Variants in SLC35F3 observed in about 807,000 individuals in gnomAD.
SLC35F3 encodes putative thiamine transporter SLC35F3.
SLC35F3 carries 25 observed loss-of-function variants against 49.9 expected under a neutral mutation model. The ratio of observed to expected loss-of-function variants is 0.50; its 90% CI spans 0.37 to 0.70. The LOEUF is 0.70. Among genes scored for constraint, SLC35F3 ranks in the 30% least tolerant of loss-of-function variants. The probability of loss-of-function intolerance (pLI) is 0.00; values close to 1 mark genes in which losing one functional copy is unlikely to be tolerated. For synonymous variants in SLC35F3, 275 were observed against 265.4 expected (o/e 1.04, Z -0.35); for missense variants, 525 against 639.8 (o/e 0.82, Z 1.94).
At chr1:233,954,368 G>T (rs1408807148) in intron 2 of SLC35F3, among the ~76,000 whole-genome samples, 3 of 152,180 alleles carry the variant, frequency 2.0e-5, no homozygotes, top group Admixed American at 2.0e-4. Context: ...AGAAAGGGGT[G>T]GGGGTGTGGT....
intron 2 of SLC35F3, among the ~76,000 whole-genome samples, chr1:234,021,163 G>A (rs995276046): frequency 6.6e-6 from 1 of 151,880 alleles, no homozygotes; most frequent in Non-Finnish European, 1.5e-5. Flanking sequence ...GACCCTAGGA[G>A]ACATTGCCCC....
intron 2 of SLC35F3, among the ~76,000 whole-genome samples, chr1:234,198,225 T>A (rs752841758): frequency 3.9e-5 from 6 of 152,248 alleles, no homozygotes; most frequent in Non-Finnish European, 8.8e-5. Context: ...TTCATGTTGA[T>A]TATATGGATT....
intron 2 of SLC35F3, among the ~76,000 whole-genome samples, chr1:234,113,926 G>C (rs1377837022): frequency 6.6e-6 from 1 of 152,218 alleles, no homozygotes; most frequent in African/African-American, 2.4e-5. Context: ...AAAGTGCAAA[G>C]ACTCGGATAC....
Position 234,231,820 on chromosome 1 carries a change from T to A in SLC35F3, c.608+79T>A. On this transcript the variant is annotated intron_variant, in intron 3 of 7. Coordinates refer to ENST00000366618, the MANE Select transcript of SLC35F3 (RefSeq NM_173508.4). This position sits in a 1 kb window ranked among gnomAD's most constrained non-coding sequence, Gnocchi z 5.4. ...GCTGACTCTGCAGAGCTGCCCCTGG[T>A]GGCAGGCGCTGGGATGAGCCGGTGG... The A allele has an allele frequency of 2.2e-6, 3 of 1,371,910 alleles. No homozygotes were observed. Among genetic ancestry groups the A allele is most frequent in the Non-Finnish European group, 3.0e-6 (3 of 993,960 alleles). 85.0% of individuals were successfully genotyped at this position (1,371,910 alleles called of 1,614,324 possible).
chr1:234,168,711 C>T (rs1666353760), intron 2 of SLC35F3, among the ~76,000 whole-genome samples: 1 of 152,188 alleles, frequency 6.6e-6, no homozygotes, highest in Admixed American at 6.5e-5. Flanking sequence ...AACAGTGAGG[C>T]TGGGCAGTGG....
intron 2 of SLC35F3, among the ~76,000 whole-genome samples, chr1:234,091,515 A>T (rs1478274242): frequency 6.6e-6 from 1 of 152,176 alleles, no homozygotes; most frequent in Non-Finnish European, 1.5e-5. Context: ...CTGTTCATGC[A>T]TCTCCAACCC....
At chr1:234,250,545 T>G (rs998179258) in intron 3 of SLC35F3, among the ~76,000 whole-genome samples, 4 of 150,530 alleles carry the variant, frequency 2.7e-5, no homozygotes, top group Admixed American at 6.6e-5. Flanking sequence ...TCCCAGCTAC[T>G]TGGGAGGCTG....
intron 2 of SLC35F3, among the ~76,000 whole-genome samples, chr1:234,086,351 G>A (rs1664960680): frequency 6.6e-6 from 1 of 152,224 alleles, no homozygotes; most frequent in African/African-American, 2.4e-5. Context: ...AGGGCTATGA[G>A]TGACATTCCT....
chr1:234,211,499 A>AC lies in SLC35F3; in HGVS notation c.284-19910dup, dbSNP rs570666949. Among the ~76,000 whole-genome samples the AC allele has an allele frequency of 2.4e-3, 366 of 151,490 alleles. 1 individual carries two copies. Among genetic ancestry groups the AC allele is most frequent in the African/African-American group, 6.6e-3 (274 of 41,252 alleles). On this transcript the variant is annotated intron_variant, in intron 2 of 7. Coordinates refer to ENST00000366618, the MANE Select transcript of SLC35F3 (RefSeq NM_173508.4). ...GGCAGAGCTGCCCAAGAACATGGGA[A>AC]CCCCCCCCTTACATTGGTGTGACCC... is the stretch of plus-strand genomic sequence containing the variant.
chr1:234,016,891 A>C (rs781428630), intron 2 of SLC35F3, among the ~76,000 whole-genome samples: 1 of 152,222 alleles, frequency 6.6e-6, no homozygotes, highest in African/African-American at 2.4e-5. Context: ...AGGGGGAGGC[A>C]GATGGCAGGC....
chr1:234,143,225 A>G (rs1665943318), intron 2 of SLC35F3, among the ~76,000 whole-genome samples: 1 of 146,068 alleles, frequency 6.8e-6, no homozygotes. Flanking sequence ...ACTCTCCCTG[A>G]CTCTACCTCT....
At chr1:234,224,336 G>A (rs969920519) in intron 2 of SLC35F3, among the ~76,000 whole-genome samples, 1 of 152,116 alleles carries the variant, frequency 6.6e-6, no homozygotes, top group Non-Finnish European at 1.5e-5. Flanking sequence ...CAAACCTCTG[G>A]GATTACAGGC....
At chr1:234,005,519 T>C (rs1663615810) in intron 2 of SLC35F3, among the ~76,000 whole-genome samples, 1 of 152,228 alleles carries the variant, frequency 6.6e-6, no homozygotes, top group Non-Finnish European at 1.5e-5. Flanking sequence ...CTGCTGCTGC[T>C]GCTGACGACA....
chr1:234,132,347 A>G (rs1055690888), intron 2 of SLC35F3, among the ~76,000 whole-genome samples: 3 of 152,252 alleles, frequency 2.0e-5, no homozygotes, highest in Non-Finnish European at 4.4e-5. Context: ...GCTATAAGCA[A>G]TGTACAATAA....
At chr1:234,053,387 T>C (rs1402359624) in intron 2 of SLC35F3, among the ~76,000 whole-genome samples, 3 of 152,212 alleles carry the variant, frequency 2.0e-5, no homozygotes, top group African/African-American at 7.2e-5. Flanking sequence ...CTTTACCATG[T>C]AATGGCCTTC....
chr1:234,125,917 T>G (rs1419665143), intron 2 of SLC35F3, among the ~76,000 whole-genome samples: 1 of 152,138 alleles, frequency 6.6e-6, no homozygotes. Flanking sequence ...GTGCAGTGTG[T>G]GATGAAGAAC....
intron 3 of SLC35F3, among the ~76,000 whole-genome samples, chr1:234,263,354 G>C (rs1204668301): frequency 3.3e-5 from 5 of 152,150 alleles, no homozygotes; most frequent in Non-Finnish European, 5.9e-5. Flanking sequence ...TTTCTGATGA[G>C]AATTTTAACT....
At chr1:234,236,925 T>TTATATATA (rs55846915) in intron 3 of SLC35F3, among the ~76,000 whole-genome samples, 3,331 of 95,416 alleles carry the variant, frequency 0.035, 243 homozygotes, top group East Asian at 0.056. Flanking sequence ...AAAAAAAAAA[T>TTATATATA]TATATATATA....
chr1:234,193,011 G>T (rs1201023054), intron 2 of SLC35F3, among the ~76,000 whole-genome samples: 3 of 152,080 alleles, frequency 2.0e-5, no homozygotes, highest in Non-Finnish European at 4.4e-5. Flanking sequence ...TTGTGAAAAT[G>T]ACCATACTGC....
Sources: allele counts gnomAD v4.1 joint callset (sites outside exome capture counted in the v4.1 genomes callset), GRCh38; gene constraint gnomAD v4.1.1; non-coding constraint Gnocchi (gnomAD v3.1); transcripts MANE v1.5; gene names NCBI Gene and HGNC (gene_info 2026-07-23, HGNC 2026-07-21).